Variants in SPRED1 observed in about 807,000 individuals in gnomAD.
SPRED1 encodes the protein sprouty related EVH1 domain containing 1.
SPRED1 carries 18 observed loss-of-function variants against 52.3 expected under a neutral mutation model. The ratio of observed to expected loss-of-function variants is 0.34; its 90% CI spans 0.24 to 0.51. SPRED1 has a LOEUF of 0.51. SPRED1 is among the 20% of genes least tolerant of loss of function. SPRED1 has a pLI of 0.97. For synonymous variants in SPRED1, 155 were observed against 179.7 expected (o/e 0.86, Z 1.10); for missense variants, 485 against 551.0 (o/e 0.88, Z 1.20).
intron 2 of SPRED1, 100 bp downstream of exon 2, chr15:38,299,647 A>G: frequency 8.3e-7 from 1 of 1,200,548 alleles, no homozygotes; most frequent in Admixed American, 1.9e-5. Context: ...CCTGTGAATC[A>G]GTAATTATGT....
intron 3 of SPRED1, among the ~76,000 whole-genome samples, chr15:38,323,670 G>A (rs1397023886): frequency 1.3e-5 from 2 of 151,834 alleles, no homozygotes; most frequent in Non-Finnish European, 2.9e-5. Flanking sequence ...ATTCCACAGA[G>A]ATTCTGATAT....
At chr15:38,297,637 A>G (rs1455962294) in intron 1 of SPRED1, among the ~76,000 whole-genome samples, 1 of 152,054 alleles carries the variant, frequency 6.6e-6, no homozygotes, top group African/African-American at 2.4e-5. Flanking sequence ...AATTATTTTG[A>G]CCCCAATAAT....
chr15:38,285,476 C>G (rs953493789), intron 1 of SPRED1, among the ~76,000 whole-genome samples: 3 of 152,104 alleles, frequency 2.0e-5, no homozygotes, highest in African/African-American at 7.2e-5. Context: ...ATCTGGCATA[C>G]AGAATATCTG....
intron 1 of SPRED1, among the ~76,000 whole-genome samples, chr15:38,272,267 G>A (rs1894450896): frequency 8.8e-6 from 1 of 113,700 alleles, no homozygotes; most frequent in Non-Finnish European, 1.9e-5. Flanking sequence ...TGTAGGGGTC[G>A]AATGCTAGGT....
At chr15:38,265,946 C>G (rs1894299764) in intron 1 of SPRED1, among the ~76,000 whole-genome samples, 1 of 152,126 alleles carries the variant, frequency 6.6e-6, no homozygotes, top group African/African-American at 2.4e-5. Flanking sequence ...GATGGACGCA[C>G]TATTTCTGCC....
intron 1 of SPRED1, among the ~76,000 whole-genome samples, chr15:38,294,047 T>TAA (rs1273941528): frequency 1.3e-5 from 2 of 152,184 alleles, no homozygotes; most frequent in Non-Finnish European, 2.9e-5. Flanking sequence ...AGTGAATAGA[T>TAA]TATTGAGTAG....
At chr15:38,331,841 G>C (rs1411633758) in intron 4 of SPRED1, among the ~76,000 whole-genome samples, 3 of 152,034 alleles carry the variant, frequency 2.0e-5, no homozygotes, top group Non-Finnish European at 4.4e-5. Context: ...TTGAATATGT[G>C]TATATACTTT....
intron 1 of SPRED1, among the ~76,000 whole-genome samples, chr15:38,276,253 C>T: frequency 6.9e-6 from 1 of 144,322 alleles, no homozygotes; most frequent in Non-Finnish European, 1.5e-5. Context: ...TCCCTAGATA[C>T]ATATTTAAGG....
chr15:38,274,843 G>A (rs548778844), intron 1 of SPRED1, among the ~76,000 whole-genome samples: 26 of 152,238 alleles, frequency 1.7e-4, no homozygotes, highest in South Asian at 8.3e-4. Flanking sequence ...ACATGTTTTT[G>A]GCAACAATAC....
chr15:38,356,440 C>G lies in SPRED1; in HGVS notation c.*4776C>G, dbSNP rs1384859434. ...TCCCTCCTGGAATTACCTGATTAAA[C>G]CTGTCATGAATTATAAAAGGACTTT... On this transcript the variant is annotated 3_prime_UTR_variant, in exon 7 of 7. Transcript: ENST00000299084. 1 of 151,952 alleles carries G rather than the reference C, an allele frequency of 6.6e-6. No individual in the cohort carries two copies. The highest frequency in any genetic ancestry group is 1.5e-5 in the Non-Finnish European group (1 of 67,948). The allele number at this position is 151,952 out of a possible 1,614,324, so 9.4% of individuals were successfully genotyped here. A position where few individuals can be genotyped will look rare whatever the true frequency, so the allele number is the denominator to read the frequency against.
At chr15:38,334,589 A>G (rs1386748184) in intron 4 of SPRED1, among the ~76,000 whole-genome samples, 1 of 152,050 alleles carries the variant, frequency 6.6e-6, no homozygotes, top group Admixed American at 6.6e-5. Context: ...TATCAGTTAG[A>G]CAAATGGGAT....
In SPRED1 at chr15:38,351,016, C is replaced by A. The variant is rs376226762; in HGVS notation, c.687C>A (p.Val229=). 8 of 1,612,376 alleles carry A rather than the reference C, an allele frequency of 5.0e-6. No individual in the cohort carries two copies. The East Asian group carries it at 8.9e-5, about 18-fold the overall frequency. Residue 229 remains valine (V), a splice_region_variant and synonymous_variant, in exon 7 of 7, where the codon GTC becomes GTA. Coordinates refer to ENST00000299084, the MANE Select transcript of SPRED1 (RefSeq NM_152594.3). ...GTTTTTATCTGTTTCTTTTTTAGGT[C>A]CCTTTGAAATCAATCAGACATGTCA... The part of the protein sequence containing the change: ...ECGSLKSQNR[V]PLKSIRHVSF...
At chr15:38,323,877 T>C (rs1427076190) in intron 3 of SPRED1, among the ~76,000 whole-genome samples, 1 of 152,194 alleles carries the variant, frequency 6.6e-6, no homozygotes, top group East Asian at 1.9e-4. Context: ...AGTATACCTC[T>C]TTCACTAGGA....
rs964464207 is a variant in SPRED1, at chr15:38,356,567, G to T, written c.*4903G>T. ...TGATAATTAGCTCTGTTCTTTAAAA[G>T]TATACTTTTAAACTGAAAGTTCACA... On this transcript the variant is annotated 3_prime_UTR_variant, in exon 7 of 7. Coordinates refer to ENST00000299084, the MANE Select transcript of SPRED1 (RefSeq NM_152594.3). 1.3e-5 allele frequency: 2 copies of T among 151,988 alleles called. No homozygotes were observed. Among genetic ancestry groups the T allele is most frequent in the Non-Finnish European group, 2.9e-5 (2 of 67,920 alleles). 9.4% of individuals were successfully genotyped at this position (151,988 alleles called of 1,614,324 possible).
chr15:38,342,059 T>C (rs1896042874), intron 5 of SPRED1, among the ~76,000 whole-genome samples: 1 of 150,992 alleles, frequency 6.6e-6, no homozygotes, highest in African/African-American at 2.4e-5. Context: ...AGGGTGTCTT[T>C]GTCTTTTAAT....
intron 6 of SPRED1, among the ~76,000 whole-genome samples, chr15:38,349,785 C>T (rs1888441892): frequency 1.3e-5 from 2 of 152,172 alleles, no homozygotes; most frequent in South Asian, 2.1e-4. Context: ...CTGTATCTGT[C>T]ACCCCACCTT....
intron 1 of SPRED1, among the ~76,000 whole-genome samples, chr15:38,261,107 A>C (rs1894195942): frequency 2.6e-5 from 4 of 152,230 alleles, no homozygotes. Context: ...ATCACATTTG[A>C]AGATTAATGG....
chr15:38,271,086 T>C (rs1309803169), intron 1 of SPRED1, among the ~76,000 whole-genome samples: 1 of 152,228 alleles, frequency 6.6e-6, no homozygotes, highest in African/African-American at 2.4e-5. Context: ...ATTTACTTAA[T>C]AATTATTGAG....
rs1338060642 is a variant in SPRED1, at chr15:38,354,340, T to G, written c.*2676T>G. On this transcript the variant is annotated 3_prime_UTR_variant, in exon 7 of 7. Coordinates refer to ENST00000299084, the MANE Select transcript of SPRED1 (RefSeq NM_152594.3). Reference sequence around the variant, plus strand: ...TTTTTATCTGATATAAGCAGATGGCTCAAGACAACTGCTTGAGTAATAGTA... The same window carrying G: ...TTTTTATCTGATATAAGCAGATGGCGCAAGACAACTGCTTGAGTAATAGTA... 6.6e-6 allele frequency: 1 copy of G among 152,214 alleles called. No individual in the cohort carries two copies. The highest frequency in any genetic ancestry group is 6.5e-5 in the Admixed American group (1 of 15,278). The allele number at this position is 152,214 out of a possible 1,614,324, so 9.4% of individuals were successfully genotyped here. A position where few individuals can be genotyped will look rare whatever the true frequency, so the allele number is the denominator to read the frequency against.
Sources: allele counts gnomAD v4.1 joint callset (sites outside exome capture counted in the v4.1 genomes callset), GRCh38; gene constraint gnomAD v4.1.1; transcripts MANE v1.5; gene names NCBI Gene and HGNC (gene_info 2026-07-23, HGNC 2026-07-21).